The following NUP210L variants were observed in gnomAD, a reference collection of about 807,000 sequenced individuals.
The protein encoded by NUP210L is nucleoporin 210 like.
A neutral mutation model predicts 208.5 loss-of-function variants in NUP210L; 74 were observed. The ratio of observed to expected loss-of-function variants is 0.35; its 90% confidence interval spans 0.29 to 0.43. The LOEUF is 0.43. NUP210L is among the 20% of genes least tolerant of loss of function. The pLI is 1.00. For synonymous variants in NUP210L, 780 were observed against 816.9 expected (o/e 0.95, Z 0.77); for missense variants, 1,843 against 2,289.4 (o/e 0.81, Z 3.98).
At chr1:154,113,927 G>A (rs927690985) in intron 12 of NUP210L, among the ~76,000 whole-genome samples, 3 of 145,634 alleles carry the variant, frequency 2.1e-5, no homozygotes, top group Non-Finnish European at 4.5e-5. Flanking sequence ...TTGGGAGGCC[G>A]AGTTCAGAAG....
At chr1:154,089,078 A>G (rs1218826376) in intron 16 of NUP210L, among the ~76,000 whole-genome samples, 1 of 152,184 alleles carries the variant, frequency 6.6e-6, no homozygotes, top group Non-Finnish European at 1.5e-5. Flanking sequence ...TGCCATTATC[A>G]CAAGCTGATT....
intron 23 of NUP210L, 54 bp downstream of exon 23, chr1:154,056,761 C>T (rs1653890276): frequency 6.6e-7 from 1 of 1,513,168 alleles, no homozygotes; most frequent in Non-Finnish European, 8.9e-7. Context: ...CAGAAAAAGA[C>T]AAATGATGTT....
At chr1:154,081,484 T>TTATGC (rs376843330) in intron 16 of NUP210L, among the ~76,000 whole-genome samples, 1 of 152,058 alleles carries the variant, frequency 6.6e-6, no homozygotes, top group African/African-American at 2.4e-5. Context: ...ACATTTGAGT[T>TTATGC]TATGCTAATG....
intron 3 of NUP210L, 134 bp downstream of exon 3, chr1:154,143,312 A>G (rs1398534035): frequency 6.1e-6 from 4 of 651,784 alleles, no homozygotes; most frequent in African/African-American, 3.6e-5. Flanking sequence ...TTATTCATCT[A>G]TGAGCTCCAA....
intron 35 of NUP210L, among the ~76,000 whole-genome samples, chr1:154,006,966 A>ATATATATATATATATATTT (rs1211789619): frequency 5.2e-5 from 6 of 115,808 alleles, no homozygotes; most frequent in African/African-American, 2.0e-4. Context: ...ATATATATAT[A>ATATATATATATATATATTT]TTTTTTTTTT....
chr1:154,084,355 G>A (rs1263357852), intron 16 of NUP210L, among the ~76,000 whole-genome samples: 2 of 151,682 alleles, frequency 1.3e-5, no homozygotes, highest in Admixed American at 1.3e-4. Flanking sequence ...GGACTCACAG[G>A]CAAATGCCAC....
chr1:154,070,240 G>A, intron 17 of NUP210L, 33 bp downstream of exon 17: 2 of 1,475,514 alleles, frequency 1.4e-6, no homozygotes, highest in South Asian at 1.4e-5. Context: ...AAACACTCAG[G>A]TATATGAAAA....
At chr1:154,000,719 G>GT (rs1650160363) in intron 37 of NUP210L, 137 bp downstream of exon 37, 2 of 715,214 alleles carry the variant, frequency 2.8e-6, no homozygotes, top group African/African-American at 3.5e-5. Flanking sequence ...TATTTCAGGA[G>GT]TTTTTCATTT....
At chr1:154,089,312 G>C in intron 16 of NUP210L, 109 bp downstream of exon 16, 1 of 863,714 alleles carries the variant, frequency 1.2e-6, no homozygotes, top group East Asian at 2.4e-5. Flanking sequence ...ATTACCATAT[G>C]ATCTGGCAAT....
chr1:154,037,023 A>G (rs1049776816), intron 27 of NUP210L, among the ~76,000 whole-genome samples: 6 of 152,190 alleles, frequency 3.9e-5, no homozygotes, highest in African/African-American at 1.4e-4. Flanking sequence ...CTGGCCTCCC[A>G]AAGTGCTGGG....
chr1:154,040,591 CTT>C (rs1245452541), intron 27 of NUP210L, among the ~76,000 whole-genome samples: 4 of 143,460 alleles, frequency 2.8e-5, no homozygotes, highest in Non-Finnish European at 4.6e-5. Flanking sequence ...TTCTTTCTTT[CTT>C]TTTTTTTTTT....
chr1:154,036,926 CTAATTTTTG>C (rs754980158), intron 27 of NUP210L, among the ~76,000 whole-genome samples: 4 of 151,998 alleles, frequency 2.6e-5, no homozygotes, highest in Non-Finnish European at 4.4e-5. Context: ...CCACACCCAG[CTAATTTTTG>C]TACTTTTTGA....
exon 29 of NUP210L, chr1:154,027,565 C>T (rs779181283): frequency 2.5e-5 from 40 of 1,613,692 alleles, no homozygotes; most frequent in Non-Finnish European, 3.2e-5. Context: ...CTGGTTGGCA[C>T]TCTGGATAGA....
chr1:154,101,207 G>A (rs972550275), intron 13 of NUP210L, among the ~76,000 whole-genome samples: 2 of 149,710 alleles, frequency 1.3e-5, no homozygotes, highest in Non-Finnish European at 3.0e-5. Flanking sequence ...GGCTGGGGGC[G>A]GTGGCTCATG....
chr1:154,055,123 TTTTC>T (rs533438783), intron 23 of NUP210L, among the ~76,000 whole-genome samples: 19,920 of 116,648 alleles, frequency 0.17, 1,560 homozygotes, highest in Non-Finnish European at 0.18. Flanking sequence ...TCTTTCTTTC[TTTTC>T]TTTCTTTCTT....
intron 14 of NUP210L, among the ~76,000 whole-genome samples, chr1:154,098,856 G>A (rs534787359): frequency 4.3e-4 from 65 of 152,264 alleles, no homozygotes; most frequent in Non-Finnish European, 6.5e-4. Flanking sequence ...GCCTCCTGCC[G>A]CTGTTCATGG....
At chr1:154,135,727 A>T (rs1302343976) in intron 7 of NUP210L, 87 bp downstream of exon 7, 1 of 1,277,942 alleles carries the variant, frequency 7.8e-7, no homozygotes, top group Non-Finnish European at 1.1e-6. Flanking sequence ...GGCCATAATC[A>T]TTCTTAATAA....
At chr1:154,095,194 G>GAAAATTAT in intron 14 of NUP210L, 38 bp from the exon 15 acceptor site, 1 of 1,462,180 alleles carries the variant, frequency 6.8e-7, no homozygotes, top group Non-Finnish European at 9.5e-7. Context: ...TGATAGGTTA[G>GAAAATTAT]GGAATTCAAT....
At chr1:154,022,810 TG>T (rs1651643408) in intron 31 of NUP210L, among the ~76,000 whole-genome samples, 1 of 151,568 alleles carries the variant, frequency 6.6e-6, no homozygotes, top group African/African-American at 2.4e-5. Context: ...CCCTAGTAGC[TG>T]GGACTACAGG....
Sources: gnomAD v4.1 joint callset for allele counts (sites outside exome capture counted in the v4.1 genomes callset) on GRCh38, gnomAD v4.1.1 for gene constraint, MANE v1.5 for transcripts, NCBI Gene and HGNC (gene_info 2026-07-23, HGNC 2026-07-21) for gene names.